The following BRDT variants were observed in gnomAD, a reference collection of about 807,000 sequenced individuals.
The protein encoded by BRDT is bromodomain testis-specific protein.
BRDT carries 77 observed loss-of-function variants against 113.9 expected under a neutral mutation model. The ratio of observed to expected loss-of-function variants is 0.68; its 90% CI spans 0.56 to 0.82. The LOEUF is 0.82. Among genes scored for constraint, BRDT ranks in the 40% least tolerant of loss-of-function variants. The probability of loss-of-function intolerance (pLI) is 0.00; values close to 1 mark genes in which losing one functional copy is unlikely to be tolerated. For synonymous variants in BRDT, 358 were observed against 366.5 expected (o/e 0.98, Z 0.26); for missense variants, 1,027 against 1,105.4 (o/e 0.93, Z 1.01).
At chr1:91,963,065 T>C (rs895887800) in intron 2 of BRDT, 119 bp downstream of exon 2, 1 of 776,132 alleles carries the variant, frequency 1.3e-6, no homozygotes, top group Admixed American at 3.4e-5. Context: ...GGCTCCCGCC[T>C]ATAATCCCAG....
intron 18 of BRDT, among the ~76,000 whole-genome samples, chr1:92,012,672 A>G (rs964132961): frequency 6.6e-6 from 1 of 152,230 alleles, no homozygotes; most frequent in African/African-American, 2.4e-5. Context: ...ACACTTTGGG[A>G]GGCCAAGGCA....
Position 91,994,103 on chromosome 1 carries a change from CACA to C in BRDT, c.2139_2141del (p.Thr714del). 1 of 1,609,340 alleles carries C rather than the reference CACA, an allele frequency of 6.2e-7. No individual in the cohort carries two copies. The highest frequency in any genetic ancestry group is 8.5e-7 in the Non-Finnish European group (1 of 1,178,548). ...AACAGATAGGATATTGTGTGCAAGA[CACA>C]ACCTCTGCCAATACTACCCTTGTTC... On this transcript the variant is annotated inframe_deletion, in exon 15 of 19. Transcript: ENST00000399546.
At chr1:92,011,762 A>T (rs893362516) in intron 18 of BRDT, among the ~76,000 whole-genome samples, 3 of 152,204 alleles carry the variant, frequency 2.0e-5, no homozygotes, top group African/African-American at 7.2e-5. Flanking sequence ...GCAGCTTGAT[A>T]ACTAACAACC....
At chr1:91,953,137 A>C (rs936969978) in intron 1 of BRDT, among the ~76,000 whole-genome samples, 1 of 145,122 alleles carries the variant, frequency 6.9e-6, no homozygotes. Context: ...ATTTCTATGA[A>C]TTACCTCTGG....
At position 91,951,539 on chromosome 1, in the gene BRDT, G is replaced by C. The variant is rs147682336; in HGVS notation, c.-38+1857G>C. On this transcript the variant is annotated intron_variant, in intron 1 of 18. Transcript: ENST00000399546. ...AGGCTGGGCGCGGTGGCTCACGCCT[G>C]TAATCCCAGCACTTTGGGAGTCAGG... 7.2e-3 allele frequency among the ~76,000 whole-genome samples: 1,097 copies of C among 152,168 alleles called. 11 individuals are homozygous for C. Among genetic ancestry groups the C allele is most frequent in the African/African-American group, 0.025 (1,054 of 41,526 alleles).
At chr1:91,955,203 C>A (rs534231597) in intron 1 of BRDT, among the ~76,000 whole-genome samples, 1 of 152,138 alleles carries the variant, frequency 6.6e-6, no homozygotes, top group Non-Finnish European at 1.5e-5. Context: ...ATCCTGTAAT[C>A]CCAGCGCTTT....
At chr1:91,957,094 G>T (rs1253139414) in intron 1 of BRDT, among the ~76,000 whole-genome samples, 21 of 152,224 alleles carry the variant, frequency 1.4e-4, no homozygotes. Context: ...AGGCCAGTGA[G>T]GGATATGGAA....
At chr1:91,982,066 CCTTTA>C (rs1467209818) in intron 12 of BRDT, among the ~76,000 whole-genome samples, 1 of 151,984 alleles carries the variant, frequency 6.6e-6, no homozygotes, top group Non-Finnish European at 1.5e-5. Flanking sequence ...AAAATAATGA[CCTTTA>C]CTTGTTTTAT....
chr1:91,975,846 A>G (rs547722052), intron 4 of BRDT, among the ~76,000 whole-genome samples: 1 of 152,342 alleles, frequency 6.6e-6, no homozygotes, highest in Non-Finnish European at 1.5e-5. Flanking sequence ...TCCTATTCAC[A>G]TCTTTTGTTC....
intron 15 of BRDT, among the ~76,000 whole-genome samples, chr1:91,999,861 C>T (rs1686678134): frequency 6.6e-6 from 1 of 152,146 alleles, no homozygotes; most frequent in Non-Finnish European, 1.5e-5. Context: ...AAACTGAATT[C>T]CCCCTTTTAG....
intron 8 of BRDT, 119 bp downstream of exon 8, chr1:91,979,876 A>G: frequency 1.3e-6 from 1 of 793,248 alleles, no homozygotes; most frequent in Non-Finnish European, 1.9e-6. Context: ...GGCTTTATTT[A>G]CTTATTGGCA....
At chr1:91,950,504 A>G (rs1680933517) in intron 1 of BRDT, 1 of 152,218 alleles carries the variant, frequency 6.6e-6, no homozygotes, top group African/African-American at 2.4e-5. Flanking sequence ...GACTCAAGGG[A>G]AAGGCCTGGG....
At position 92,004,563 on chromosome 1, in the gene BRDT, A is replaced by T; in HGVS notation, c.2538A>T (p.Ile846=). Residue 846 remains isoleucine, a synonymous_variant, in exon 17 of 19, where the codon ATA becomes ATT. Transcript: ENST00000399546. ...KEVKARTQEL[I]RKHLEQNTKE... ...TAAAAGCTCGGACACAGGAACTCAT[A>T]CGGAAGCATTTGGAACAAAATACAA... 1 of 1,612,924 alleles carries T rather than the reference A, an allele frequency of 6.2e-7. No individual in the cohort carries two copies. The highest frequency in any genetic ancestry group is 8.5e-7 in the Non-Finnish European group (1 of 1,179,620).
chr1:91,950,548 G>A (rs1680939958), intron 1 of BRDT: 1 of 152,306 alleles, frequency 6.6e-6, no homozygotes, highest in Admixed American at 6.6e-5. Flanking sequence ...CTCTTGGGCA[G>A]AAGTGATAAC....
chr1:91,966,806 C>T (rs1683109002), intron 3 of BRDT, among the ~76,000 whole-genome samples: 1 of 152,178 alleles, frequency 6.6e-6, no homozygotes, highest in Admixed American at 6.5e-5. Flanking sequence ...TGCGGTGGCT[C>T]ATGCCTGTAA....
Position 91,968,113 on chromosome 1 carries a change from A to G in BRDT, c.331-33A>G, listed in dbSNP as rs146865063. 1.4e-4 allele frequency: 225 copies of G among 1,607,836 alleles called. No homozygotes were observed. The African/African-American group carries it at 2.8e-3, about 20-fold the overall frequency. On this transcript the variant is annotated intron_variant, in intron 3 of 18. Coordinates refer to ENST00000399546, the MANE Select transcript of BRDT (RefSeq NM_207189.4). Reference sequence around the variant, plus strand: ...ACATTTGGTACAGTGACCATACTGTATATCCTTATGGTATATTTAATATAT... The same window carrying G: ...ACATTTGGTACAGTGACCATACTGTGTATCCTTATGGTATATTTAATATAT...
chr1:92,007,004 G>A (rs1244619151), intron 18 of BRDT, among the ~76,000 whole-genome samples: 1 of 152,098 alleles, frequency 6.6e-6, no homozygotes, highest in Non-Finnish European at 1.5e-5. Context: ...GCCAAGGCTG[G>A]TCTCGGACTC....
chr1:91,985,929 C>T (rs1030813362), intron 12 of BRDT, among the ~76,000 whole-genome samples: 3 of 152,132 alleles, frequency 2.0e-5, no homozygotes, highest in Admixed American at 2.0e-4. Flanking sequence ...TGAGCCACCG[C>T]GCCCGGCCCA....
chr1:91,997,882 G>A (rs1686484304), intron 15 of BRDT, among the ~76,000 whole-genome samples: 1 of 152,140 alleles, frequency 6.6e-6, no homozygotes, highest in Admixed American at 6.5e-5. Context: ...TTTTTCTGGA[G>A]TTAAATCTCA....
Sources: gnomAD v4.1 joint callset for allele counts (sites outside exome capture counted in the v4.1 genomes callset) on GRCh38, gnomAD v4.1.1 for gene constraint, MANE v1.5 for transcripts, NCBI Gene and HGNC (gene_info 2026-07-23, HGNC 2026-07-21) for gene names.